TSPAN5: variants seen among roughly 807,000 people sequenced by gnomAD.
The protein encoded by TSPAN5 is tetraspanin-5.
In TSPAN5, 10 loss-of-function variants were observed where a neutral mutation model predicts 37.1. That is an observed-to-expected ratio of 0.27 (90% CI 0.17 to 0.46). The LOEUF (loss-of-function observed/expected upper bound fraction) is 0.46, where lower values mean the gene tolerates loss of function less well. TSPAN5 is among the 20% of genes least tolerant of loss of function. The pLI is 1.00. For missense variants in TSPAN5, 195 were observed against 326.6 expected, an observed-to-expected ratio of 0.60 and a Z score of 3.11; for synonymous variants, 110 against 118.9, an observed-to-expected ratio of 0.93 and a Z score of 0.48.
At chr4:98,646,748 A>T (rs1757077480) in intron 1 of TSPAN5, among the ~76,000 whole-genome samples, 1 of 152,162 alleles carries the variant, frequency 6.6e-6, no homozygotes, top group African/African-American at 2.4e-5. Context: ...GCAGAATATT[A>T]CAGAGAACAA....
intron 1 of TSPAN5, among the ~76,000 whole-genome samples, chr4:98,527,361 C>T (rs1457956917): frequency 2.0e-5 from 3 of 152,154 alleles, no homozygotes; most frequent in African/African-American, 7.2e-5. Flanking sequence ...TTTGATCACT[C>T]AATTTAGATA....
chr4:98,478,547 C>T, intron 5 of TSPAN5, 138 bp downstream of exon 5: 6 of 1,020,654 alleles, frequency 5.9e-6, no homozygotes, highest in Non-Finnish European at 8.9e-6. Flanking sequence ...GATTTGAGCA[C>T]CATAACCCCC....
At position 98,529,735 on chromosome 4, in the gene TSPAN5, T is replaced by C. The variant is rs74331067; in HGVS notation, c.82-22007A>G. Among the ~76,000 whole-genome samples the C allele has an allele frequency of 3.8e-3, 583 of 152,336 alleles. 7 individuals carry two copies. Among genetic ancestry groups the C allele is most frequent in the African/African-American group, 0.012 (511 of 41,578 alleles). On this transcript the variant is annotated intron_variant, in intron 1 of 7. Transcript: ENST00000305798. ...GTTTCTCCTCACTGCGTCTCAGAACTTGGGGATTCAGTTTCATTTAGACTT... is the reference window on the plus strand; with the variant it reads ...GTTTCTCCTCACTGCGTCTCAGAACCTGGGGATTCAGTTTCATTTAGACTT...
intron 2 of TSPAN5, among the ~76,000 whole-genome samples, chr4:98,491,032 A>T (rs1224104474): frequency 6.6e-6 from 1 of 152,158 alleles, no homozygotes; most frequent in African/African-American, 2.4e-5. Flanking sequence ...ACTGCACTCC[A>T]GCCTGGGTGA....
At chr4:98,507,525 G>A (rs1462185659) in intron 2 of TSPAN5, among the ~76,000 whole-genome samples, 153 bp downstream of exon 2, 1 of 152,130 alleles carries the variant, frequency 6.6e-6, no homozygotes, top group Non-Finnish European at 1.5e-5. Flanking sequence ...AAGTGTCTTT[G>A]AGAGTATGAC....
At chr4:98,599,627 T>C (rs1373251229) in intron 1 of TSPAN5, among the ~76,000 whole-genome samples, 1 of 152,224 alleles carries the variant, frequency 6.6e-6, no homozygotes, top group Non-Finnish European at 1.5e-5. Context: ...ATTTGCTTTC[T>C]GTACCTACAG....
rs1401150088 is a variant in TSPAN5, at chr4:98,630,472, G to A, written c.81+27674C>T. Among the ~76,000 whole-genome samples the A allele has an allele frequency of 2.6e-5, 4 of 152,138 alleles. No homozygotes were observed. The East Asian group carries it at 7.7e-4, about 29-fold the overall frequency. ...CTCCATTGGACTGAGAGCTCTCAAA[G>A]CACAAGAATCACCTTAATCCATCTT... On this transcript the variant is annotated intron_variant, in intron 1 of 7. Transcript: ENST00000305798.
At position 98,601,663 on chromosome 4, in the gene TSPAN5, C is replaced by A. The variant is rs189718084; in HGVS notation, c.81+56483G>T. ...CTTCTATTTAAAACTTTCTCCATATCAGCAATAAGACTGTTTTGCTTTCTT... is the reference window on the plus strand; with the variant it reads ...CTTCTATTTAAAACTTTCTCCATATAAGCAATAAGACTGTTTTGCTTTCTT... On this transcript the variant is annotated intron_variant, in intron 1 of 7. Transcript: ENST00000305798. Among the ~76,000 whole-genome samples the A allele has an allele frequency of 5.7e-3, 864 of 152,276 alleles. 7 individuals carry two copies. Among genetic ancestry groups the A allele is most frequent in the Non-Finnish European group, 7.0e-3 (479 of 68,008 alleles).
intron 4 of TSPAN5, among the ~76,000 whole-genome samples, chr4:98,481,110 T>C (rs1752829804): frequency 6.6e-6 from 1 of 152,072 alleles, no homozygotes. Flanking sequence ...CTACCCGACT[T>C]TTCAGTGCAG....
chr4:98,606,601 C>A (rs2110227656), intron 1 of TSPAN5, among the ~76,000 whole-genome samples: 1 of 152,274 alleles, frequency 6.6e-6, no homozygotes, highest in South Asian at 2.1e-4. Context: ...TATTAGGGTT[C>A]TTGGTTATAG....
In TSPAN5 at chr4:98,470,443, T is replaced by C. The variant is rs758943626; in HGVS notation, c.*2079A>G. 2 of 152,244 alleles carry C rather than the reference T, an allele frequency of 1.3e-5. No homozygotes were observed. The highest frequency in any genetic ancestry group is 2.9e-5 in the Non-Finnish European group (2 of 68,046). 9.4% of individuals were successfully genotyped at this position (152,244 alleles called of 1,614,324 possible). On this transcript the variant is annotated 3_prime_UTR_variant, in exon 8 of 8. Coordinates refer to ENST00000305798, the MANE Select transcript of TSPAN5 (RefSeq NM_005723.4). Reference sequence around the variant, plus strand: ...GTGTAAAAAATAAAGGGTGATTAATTAATATTTAAAACTCACTCGGACTTG... The same window carrying C: ...GTGTAAAAAATAAAGGGTGATTAATCAATATTTAAAACTCACTCGGACTTG...
intron 1 of TSPAN5, among the ~76,000 whole-genome samples, chr4:98,611,716 T>A (rs988217392): frequency 6.6e-6 from 1 of 152,244 alleles, no homozygotes; most frequent in Non-Finnish European, 1.5e-5. Context: ...CAGGCAAGAA[T>A]GTGCGACCCA....
At chr4:98,603,645 G>A (rs1055668798) in intron 1 of TSPAN5, among the ~76,000 whole-genome samples, 2 of 152,184 alleles carry the variant, frequency 1.3e-5, no homozygotes, top group Non-Finnish European at 2.9e-5. Context: ...TGTGGCCTAT[G>A]CAACCATCTC....
chr4:98,546,025 ATAGATGTGCATTAGGATATATT>A (rs1754462842), intron 1 of TSPAN5, among the ~76,000 whole-genome samples: 1 of 151,852 alleles, frequency 6.6e-6, no homozygotes. Flanking sequence ...TTGTGTCTTA[ATAGATGTGCATTAGGATATATT>A]AATAATGTAT....
intron 1 of TSPAN5, among the ~76,000 whole-genome samples, chr4:98,552,173 C>T (rs1212754921): frequency 6.6e-6 from 1 of 151,994 alleles, no homozygotes; most frequent in Admixed American, 6.6e-5. Context: ...TTCACTCATC[C>T]TTTGTATTGT....
At chr4:98,561,758 G>A (rs530199213) in intron 1 of TSPAN5, among the ~76,000 whole-genome samples, 65 of 152,358 alleles carry the variant, frequency 4.3e-4, no homozygotes, top group Non-Finnish European at 7.1e-4. Context: ...GTTATGCGCT[G>A]AGCACTACTA....
chr4:98,488,317 C>T (rs1011711209), intron 2 of TSPAN5, among the ~76,000 whole-genome samples: 2 of 152,188 alleles, frequency 1.3e-5, no homozygotes, highest in Admixed American at 6.5e-5. Flanking sequence ...TAGGTAGGAA[C>T]ATTTGGAGAA....
chr4:98,593,683 T>G (rs1755701630), intron 1 of TSPAN5, among the ~76,000 whole-genome samples: 1 of 10,006 alleles, frequency 1.0e-4, no homozygotes, highest in South Asian at 9.4e-3. Flanking sequence ...CAGCACCATT[T>G]ATTAAATAGG....
chr4:98,492,571 G>A (rs374737047), intron 2 of TSPAN5, among the ~76,000 whole-genome samples: 33 of 152,250 alleles, frequency 2.2e-4, no homozygotes, highest in African/African-American at 6.0e-4. Flanking sequence ...ACACAGACAT[G>A]CACATAGACA....
Sources: gnomAD v4.1 joint callset for allele counts (sites outside exome capture counted in the v4.1 genomes callset) on GRCh38, gnomAD v4.1.1 for gene constraint, MANE v1.5 for transcripts, NCBI Gene and HGNC (gene_info 2026-07-23, HGNC 2026-07-21) for gene names.